The following SORCS1 variants were observed in gnomAD, a reference collection of about 807,000 sequenced individuals.
The protein encoded by SORCS1 is VPS10 domain-containing receptor SorCS1.
SORCS1 carries 60 observed loss-of-function variants against 146.1 expected under a neutral mutation model. That is an observed-to-expected ratio of 0.41 (90% CI 0.33 to 0.51). The LOEUF (loss-of-function observed/expected upper bound fraction) is 0.51. SORCS1 is among the 20% of genes least tolerant of loss of function. The pLI, the probability that SORCS1 is intolerant of heterozygous loss-of-function variation, is 0.21. For synonymous variants in SORCS1, 637 were observed against 584.0 expected (o/e 1.09, Z -1.31); for missense variants, 1,352 against 1,487.6 (o/e 0.91, Z 1.50).
chr10:107,090,302 A>G (rs1278274005), intron 1 of SORCS1, among the ~76,000 whole-genome samples: 1 of 152,164 alleles, frequency 6.6e-6, no homozygotes, highest in African/African-American at 2.4e-5. Context: ...GGAGAAAGGA[A>G]AATGGAATGG....
intron 2 of SORCS1, among the ~76,000 whole-genome samples, chr10:106,878,179 T>G (rs1950664284): frequency 1.3e-5 from 2 of 151,636 alleles, no homozygotes; most frequent in Admixed American, 6.6e-5. Context: ...TTTTTTTTTT[T>G]TAAGTCCAGA....
At chr10:106,906,835 T>C (rs1244492975) in intron 2 of SORCS1, among the ~76,000 whole-genome samples, 2 of 152,130 alleles carry the variant, frequency 1.3e-5, no homozygotes, top group Non-Finnish European at 2.9e-5. Flanking sequence ...CTGTCATCAA[T>C]AGAGTATGGG....
At chr10:106,670,351 A>G (rs1419174708) in intron 16 of SORCS1, among the ~76,000 whole-genome samples, 1 of 152,212 alleles carries the variant, frequency 6.6e-6, no homozygotes. Flanking sequence ...TAACCTCTAA[A>G]TGTCTCAGTA....
intron 16 of SORCS1, among the ~76,000 whole-genome samples, chr10:106,669,053 T>G (rs1043604377): frequency 1.5e-4 from 23 of 152,132 alleles, no homozygotes; most frequent in African/African-American, 5.6e-4. Context: ...AATGAACTCC[T>G]TCATGATTCA....
At position 106,730,066 on chromosome 10, in the gene SORCS1, G is replaced by GT; in HGVS notation, c.1007_1008insA (p.Arg337GlnfsTer31). ...TTTACTTACGACCATCCACAGTTCT[G>GT]GCCTCAAGATGCACAAGGTCTGGTT... On this transcript the variant is annotated frameshift_variant, in exon 6 of 26. Transcript: ENST00000263054. LOFTEE classifies it high-confidence loss of function. The GT allele has an allele frequency of 6.2e-7, 1 of 1,613,976 alleles. No individual in the cohort carries two copies. Among genetic ancestry groups the GT allele is most frequent in the Non-Finnish European group, 8.5e-7 (1 of 1,179,982 alleles).
intron 1 of SORCS1, among the ~76,000 whole-genome samples, chr10:106,965,299 C>T (rs1955447573): frequency 6.6e-6 from 1 of 152,084 alleles, no homozygotes; most frequent in African/African-American, 2.4e-5. Context: ...CCCAAAAGCC[C>T]TGCCGGCAAA....
At chr10:106,889,890 A>AT (rs1951161963) in intron 2 of SORCS1, among the ~76,000 whole-genome samples, 1 of 140,346 alleles carries the variant, frequency 7.1e-6, no homozygotes, top group South Asian at 2.2e-4. Flanking sequence ...GTCTCAAATA[A>AT]AAAAAAAAAA....
At chr10:106,785,095 A>C (rs1205249151) in intron 3 of SORCS1, among the ~76,000 whole-genome samples, 1 of 152,186 alleles carries the variant, frequency 6.6e-6, no homozygotes, top group Non-Finnish European at 1.5e-5. Flanking sequence ...TGGTACACTG[A>C]TTACCTCAAA....
At position 107,108,204 on chromosome 10, in the gene SORCS1, G is replaced by A. The variant is rs550042946; in HGVS notation, c.558+55765C>T. Among the ~76,000 whole-genome samples, 3 of 152,328 alleles carry A rather than the reference G, an allele frequency of 2.0e-5. No individual in the cohort carries two copies. The East Asian group carries it at 5.8e-4, about 29-fold the overall frequency. On this transcript the variant is annotated intron_variant, in intron 1 of 25. Coordinates refer to ENST00000263054, the MANE Select transcript of SORCS1 (RefSeq NM_052918.5). ...GACAGGACTGCAGACCTTAGTCTCAGCTGTATATCCTGAAGCATCCTTGCA... is the reference window on the plus strand; with the variant it reads ...GACAGGACTGCAGACCTTAGTCTCAACTGTATATCCTGAAGCATCCTTGCA...
intron 2 of SORCS1, among the ~76,000 whole-genome samples, chr10:106,933,851 TG>T (rs1953543839): frequency 6.6e-6 from 1 of 152,180 alleles, no homozygotes. Context: ...CCTAGTACTT[TG>T]GGAGGCCAAG....
chr10:106,587,602 A>C (rs1480238322), intron 24 of SORCS1, among the ~76,000 whole-genome samples: 1 of 152,272 alleles, frequency 6.6e-6, no homozygotes, highest in Non-Finnish European at 1.5e-5. Context: ...AGTGGTAGCA[A>C]CTGAAGCCTG....
intron 1 of SORCS1, among the ~76,000 whole-genome samples, chr10:107,071,214 T>C (rs1461337391): frequency 6.6e-6 from 1 of 151,996 alleles, no homozygotes; most frequent in Admixed American, 6.6e-5. Flanking sequence ...AAAAAAATGC[T>C]GGTATTTTTT....
At chr10:106,787,607 C>T (rs1449554229) in intron 3 of SORCS1, among the ~76,000 whole-genome samples, 1 of 152,150 alleles carries the variant, frequency 6.6e-6, no homozygotes, top group African/African-American at 2.4e-5. Flanking sequence ...AAAATCAGCT[C>T]TCTTGACATC....
At chr10:106,647,524 C>T (rs1051774511) in intron 18 of SORCS1, among the ~76,000 whole-genome samples, 1 of 151,998 alleles carries the variant, frequency 6.6e-6, no homozygotes, top group Admixed American at 6.6e-5. Flanking sequence ...GTTTTAAATT[C>T]ACAAGGGAAC....
intron 5 of SORCS1, among the ~76,000 whole-genome samples, chr10:106,746,910 G>A (rs944286295): frequency 2.6e-5 from 4 of 152,210 alleles, no homozygotes; most frequent in African/African-American, 9.6e-5. Flanking sequence ...GATCATAGAA[G>A]GCAATGGAAG....
chr10:107,106,073 G>C (rs558602418), intron 1 of SORCS1, among the ~76,000 whole-genome samples: 7 of 152,296 alleles, frequency 4.6e-5, no homozygotes, highest in Admixed American at 4.6e-4. Flanking sequence ...GCTGATCAAA[G>C]GAAGAGATGG....
intron 2 of SORCS1, among the ~76,000 whole-genome samples, chr10:106,907,057 G>A (rs1237187454): frequency 1.3e-5 from 2 of 152,238 alleles, no homozygotes; most frequent in Non-Finnish European, 2.9e-5. Flanking sequence ...TGCCAAGTGT[G>A]TGGGGAAACA....
At chr10:106,760,264 GA>G (rs1858982826) in intron 5 of SORCS1, among the ~76,000 whole-genome samples, 2 of 151,830 alleles carry the variant, frequency 1.3e-5, no homozygotes, top group Non-Finnish European at 2.9e-5. Flanking sequence ...CTAACACGGT[GA>G]AACTCCGTCT....
intron 5 of SORCS1, among the ~76,000 whole-genome samples, chr10:106,741,472 C>T (rs1857358808): frequency 6.6e-6 from 1 of 152,138 alleles, no homozygotes; most frequent in South Asian, 2.1e-4. Context: ...GTGGCATGCA[C>T]CTGTAATCCC....
Sources: gnomAD v4.1 joint callset for allele counts (sites outside exome capture counted in the v4.1 genomes callset) on GRCh38, gnomAD v4.1.1 for gene constraint, MANE v1.5 for transcripts, NCBI Gene and HGNC (gene_info 2026-07-23, HGNC 2026-07-21) for gene names.